The following HNRNPA3 variants were observed in gnomAD, a reference collection of about 807,000 sequenced individuals.
HNRNPA3 encodes the protein heterogeneous nuclear ribonucleoprotein A3, also known as epididymis secretory sperm binding protein.
Under a neutral mutation model 45.8 loss-of-function variants are expected in HNRNPA3, and 3 were observed. The observed-to-expected ratio is 0.07, with a 90% CI of 0.03 to 0.17. The LOEUF (loss-of-function observed/expected upper bound fraction) is 0.17, where lower values mean the gene tolerates loss of function less well. Among genes scored for constraint, HNRNPA3 ranks in the 10% least tolerant of loss-of-function variants. The pLI is 1.00. For synonymous variants in HNRNPA3, 170 were observed against 155.6 expected (o/e 1.09, Z -0.69); for missense variants, 183 against 480.3 (o/e 0.38, Z 5.79).
At chr2:177,218,880 CT>C (rs1412546598) in intron 8 of HNRNPA3, among the ~76,000 whole-genome samples, 156 bp from the exon 9 acceptor site, 10 of 152,216 alleles carry the variant, frequency 6.6e-5, no homozygotes, top group African/African-American at 2.2e-4. Context: ...TGTTGATGGT[CT>C]TTTAATATCC....
chr2:177,219,172 T>C lies in HNRNPA3; in HGVS notation c.1084+13T>C, dbSNP rs753583768. On this transcript the variant is annotated intron_variant, in intron 9 of 10. Coordinates refer to ENST00000392524, the Ensembl canonical transcript of HNRNPA3. The stretch of plus-strand genomic sequence containing the variant: ...AGTCCCTATGGTGGTAAGTACTTTC[T>C]TAAATCAATTCTTTAGAGCCTTTTT... 2 of 1,612,424 alleles carry C rather than the reference T, an allele frequency of 1.2e-6. No homozygotes were observed. The highest frequency in any genetic ancestry group is 2.7e-5 in the African/African-American group (2 of 74,874).
downstream of HNRNPA3, chr2:177,223,397 TAAAAA>T (rs200634115): frequency 6.8e-6 from 1 of 146,154 alleles, no homozygotes. Flanking sequence ...GTAGCAGCAG[TAAAAA>T]AAAAAAAGTT....
At chr2:177,223,828 C>G (rs1197710771), downstream of HNRNPA3, 1 of 152,138 alleles carries the variant, frequency 6.6e-6, no homozygotes, top group Admixed American at 6.5e-5. Flanking sequence ...AGAAAGATAA[C>G]TTTTTCATTA....
At chr2:177,216,797 T>C (rs745445356) in intron 6 of HNRNPA3, 26 bp downstream of exon 6, 14 of 1,613,772 alleles carry the variant, frequency 8.7e-6, no homozygotes, top group Non-Finnish European at 1.2e-5. Flanking sequence ...TCTAAGTACA[T>C]GGATACCTGA....
rs556501506 is a variant in HNRNPA3, at chr2:177,215,098, TTTTTGTTG to T, written c.73-433_73-426del. On this transcript the variant is annotated intron_variant, in intron 1 of 10. Coordinates refer to ENST00000392524, the Ensembl canonical transcript of HNRNPA3. ...GTTGAAGTCTTATTTCTGGTCAAAG[TTTTTGTTG>T]TTTTGTTTTTTTGAGACGGAGTTTT... Among the ~76,000 whole-genome samples, 305 of 152,192 alleles carry T rather than the reference TTTTTGTTG, an allele frequency of 2.0e-3. 1 individual carries two copies. Among genetic ancestry groups the T allele is most frequent in the African/African-American group, 7.0e-3 (291 of 41,510 alleles).
At chr2:177,223,931 G>C (rs1381898701), downstream of HNRNPA3, 1 of 152,142 alleles carries the variant, frequency 6.6e-6, no homozygotes, top group Non-Finnish European at 1.5e-5. Flanking sequence ...TATTTTACCA[G>C]TAAGTAATAA....
chr2:177,213,781 T>C (rs991750482), intron 1 of HNRNPA3, among the ~76,000 whole-genome samples: 4 of 152,236 alleles, frequency 2.6e-5, no homozygotes, highest in African/African-American at 2.4e-5. Context: ...GTTTTCCCAT[T>C]CTTTGAGTCG....
At chr2:177,214,102 A>G (rs1688816382) in intron 1 of HNRNPA3, among the ~76,000 whole-genome samples, 1 of 152,254 alleles carries the variant, frequency 6.6e-6, no homozygotes, top group Non-Finnish European at 1.5e-5. Context: ...GGTGAAGGAA[A>G]CCTTAATGCA....
At chr2:177,219,596 G>A in exon 11 of HNRNPA3, 1 of 291,074 alleles carries the variant, frequency 3.4e-6, no homozygotes, top group Non-Finnish European at 6.5e-6. Context: ...CATAGCCACA[G>A]TTTGCAAAAA....
At position 177,216,663 on chromosome 2, in the gene HNRNPA3, G is replaced by A. The variant is rs777057554; in HGVS notation, c.644-13G>A. ...TGTAAGGTTCTTAAAAATCTCCCTT[G>A]CCTGTATTAAAGGTCGTGGAGGTGG... On this transcript the variant is annotated splice_polypyrimidine_tract_variant and intron_variant, in intron 5 of 10. Transcript: ENST00000392524. 1 of 1,614,018 alleles carries A rather than the reference G, an allele frequency of 6.2e-7. No individual in the cohort carries two copies. The highest frequency in any genetic ancestry group is 8.5e-7 in the Non-Finnish European group (1 of 1,179,916).
chr2:177,212,922 C>T (rs1490065884), intron 1 of HNRNPA3, 51 bp downstream of exon 1: 1 of 1,219,008 alleles, frequency 8.2e-7, no homozygotes, highest in South Asian at 1.5e-5. Context: ...CGTTGGGGGC[C>T]TGGTTCGGTG....
downstream of HNRNPA3, chr2:177,223,149 CAG>C (rs1689260194): frequency 6.6e-6 from 1 of 152,140 alleles, no homozygotes; most frequent in Non-Finnish European, 1.5e-5. Context: ...AGCAGTTTGC[CAG>C]AGTTTAGTCT....
intron 10 of HNRNPA3, 40 bp from the exon 11 acceptor site, chr2:177,219,368 A>G: frequency 1.5e-6 from 2 of 1,306,238 alleles, no homozygotes; most frequent in Non-Finnish European, 2.2e-6. Flanking sequence ...GGAACTGTTC[A>G]CTGAGTGTAA....
downstream of HNRNPA3, chr2:177,223,892 C>T (rs920813077): frequency 2.6e-5 from 4 of 152,096 alleles, no homozygotes; most frequent in African/African-American, 4.8e-5. Context: ...GTTCATGTGA[C>T]TTAAACACTA....
intron 8 of HNRNPA3, 55 bp downstream of exon 8, chr2:177,217,900 C>A: frequency 7.1e-7 from 1 of 1,413,528 alleles, no homozygotes; most frequent in South Asian, 1.4e-5. Flanking sequence ...GCTAACAGTT[C>A]CCATGACACA....
intron 1 of HNRNPA3, among the ~76,000 whole-genome samples, chr2:177,213,200 G>T (rs1392755520): frequency 6.6e-6 from 1 of 152,144 alleles, no homozygotes; most frequent in Non-Finnish European, 1.5e-5. Flanking sequence ...GGGAGGAGGT[G>T]GTGGGGGAGG....
chr2:177,220,454 T>G (rs1311978784), downstream of HNRNPA3: 1 of 154,324 alleles, frequency 6.5e-6, no homozygotes, highest in Non-Finnish European at 1.5e-5. Flanking sequence ...GGCCCATAAA[T>G]CTTGAGTTAC....
chr2:177,217,574 C>T (rs1007273763), intron 7 of HNRNPA3, 131 bp from the exon 8 acceptor site: 3 of 1,055,032 alleles, frequency 2.8e-6, no homozygotes, highest in African/African-American at 1.6e-5. Flanking sequence ...GGCTGCATTG[C>T]TGTGGTTGCA....
rs1188152818 is a variant in HNRNPA3 at position 177,213,664 on chromosome 2, A to C, written c.72+793A>C. Among the ~76,000 whole-genome samples, 4 of 152,054 alleles carry C rather than the reference A, an allele frequency of 2.6e-5. No homozygotes were observed. In the East Asian group the frequency reaches 7.7e-4, roughly 29 times the overall value. On this transcript the variant is annotated intron_variant, in intron 1 of 10. Coordinates refer to ENST00000392524, the Ensembl canonical transcript of HNRNPA3. ...GAGAATTTGAGTGTAGATGTGAAAAACAACCCAGCCAGCTCCTTCCCGGCT... is the reference window on the plus strand; with the variant it reads ...GAGAATTTGAGTGTAGATGTGAAAACCAACCCAGCCAGCTCCTTCCCGGCT...
Sources: gnomAD v4.1 joint callset for allele counts (sites outside exome capture counted in the v4.1 genomes callset) on GRCh38, gnomAD v4.1.1 for gene constraint, MANE v1.5 for transcripts, NCBI Gene and HGNC (gene_info 2026-07-23, HGNC 2026-07-21) for gene names.